The following KCND3 variants were observed in gnomAD, a reference collection of about 807,000 sequenced individuals.
The protein encoded by KCND3 is potassium voltage-gated channel subfamily D member 3.
KCND3 carries 9 observed loss-of-function variants against 51.1 expected under a neutral mutation model. That is an observed-to-expected ratio of 0.18 (90% CI 0.11 to 0.31). The LOEUF (loss-of-function observed/expected upper bound fraction) is 0.31, where lower values mean the gene tolerates loss of function less well. KCND3 is among the 10% of genes least tolerant of loss of function. The pLI is 1.00. For missense variants in KCND3, 526 were observed against 903.8 expected, an observed-to-expected ratio of 0.58 and a Z score of 5.36; for synonymous variants, 349 against 368.0, an observed-to-expected ratio of 0.95 and a Z score of 0.59.
intron 2 of KCND3, among the ~76,000 whole-genome samples, chr1:111,879,303 G>C (rs1669197573): frequency 6.6e-6 from 1 of 152,188 alleles, no homozygotes; most frequent in South Asian, 2.1e-4. Flanking sequence ...TAGGGACCTG[G>C]CTTGGAGGTT....
At chr1:111,984,882 A>G (rs1675180632) in intron 1 of KCND3, among the ~76,000 whole-genome samples, 1 of 151,842 alleles carries the variant, frequency 6.6e-6, no homozygotes, top group Admixed American at 6.6e-5. Flanking sequence ...TCCTCTCCTC[A>G]CTATGAGATT....
rs1663882208 is a variant in KCND3, at chr1:111,770,699, T to G, written c.*5378A>C. On this transcript the variant is annotated 3_prime_UTR_variant, in exon 8 of 8. Transcript: ENST00000302127. ...TGGCACATAATTTGTTTAATCCAGA[T>G]TGGATACATCAGGTACAGCAGTGGC... 1 of 152,230 alleles carries G rather than the reference T, an allele frequency of 6.6e-6. No individual in the cohort carries two copies. Among genetic ancestry groups the G allele is most frequent in the Non-Finnish European group, 1.5e-5 (1 of 68,046 alleles). 9.4% of individuals were successfully genotyped at this position (152,230 alleles called of 1,614,324 possible).
intron 2 of KCND3, among the ~76,000 whole-genome samples, chr1:111,960,910 C>T (rs1447696462): frequency 1.3e-5 from 2 of 152,048 alleles, no homozygotes; most frequent in South Asian, 4.1e-4. Flanking sequence ...GAGTGAGTGA[C>T]TGGGGAACCC....
At chr1:111,881,340 C>T (rs1271747804) in intron 2 of KCND3, among the ~76,000 whole-genome samples, 1 of 152,192 alleles carries the variant, frequency 6.6e-6, no homozygotes, top group Non-Finnish European at 1.5e-5. Context: ...AGAAAAAGTG[C>T]CTTTTGTGCT....
chr1:111,780,685 C>T lies in KCND3; in HGVS notation c.1371+5G>A. The T allele has an allele frequency of 6.2e-7, 1 of 1,605,926 alleles. No homozygotes were observed. ...TTCCCTAGCCCAGGTCCTCTAGGCA[C>T]CTACCGTCAGCTCCAGCGCCTCGTT... On this transcript the variant is annotated splice_donor_5th_base_variant and intron_variant, in intron 4 of 7. Transcript: ENST00000302127. This position sits in a 1 kb window ranked among gnomAD's most constrained non-coding sequence, Gnocchi z 4.2.
chr1:111,980,543 C>T (rs1205048356), intron 2 of KCND3, among the ~76,000 whole-genome samples: 1 of 151,840 alleles, frequency 6.6e-6, no homozygotes. Context: ...CTGTCAAAGA[C>T]AAAATAAAAA....
At chr1:111,827,542 C>T (rs149131735) in intron 2 of KCND3, among the ~76,000 whole-genome samples, 12 of 152,338 alleles carry the variant, frequency 7.9e-5, no homozygotes, top group African/African-American at 2.6e-4. Context: ...ATAATAATCA[C>T]AGTGGCAGCA....
intron 2 of KCND3, among the ~76,000 whole-genome samples, chr1:111,816,050 T>A (rs1221338656): frequency 6.6e-6 from 1 of 152,202 alleles, no homozygotes; most frequent in Non-Finnish European, 1.5e-5. Context: ...ATATGAATCA[T>A]CTCGTTTAAT....
At chr1:111,895,720 AG>A (rs1425407937) in intron 2 of KCND3, among the ~76,000 whole-genome samples, 2 of 152,058 alleles carry the variant, frequency 1.3e-5, no homozygotes, top group African/African-American at 2.4e-5. Flanking sequence ...TGGGGAGTGG[AG>A]GGGGCCAGGG....
intron 6 of KCND3, among the ~76,000 whole-genome samples, chr1:111,777,616 C>T (rs1452457277): frequency 6.6e-6 from 1 of 152,248 alleles, no homozygotes; most frequent in Non-Finnish European, 1.5e-5. Flanking sequence ...AAAGACTTTA[C>T]TTTCCAGGCT....
chr1:111,855,325 C>T (rs1260828121), intron 2 of KCND3, among the ~76,000 whole-genome samples: 1 of 152,202 alleles, frequency 6.6e-6, no homozygotes, highest in East Asian at 1.9e-4. Context: ...GTATGAGTTC[C>T]CAGTGTCCGT....
intron 2 of KCND3, among the ~76,000 whole-genome samples, chr1:111,931,979 A>G (rs1671995388): frequency 6.6e-6 from 1 of 152,224 alleles, no homozygotes; most frequent in African/African-American, 2.4e-5. Flanking sequence ...CAACGTATAC[A>G]GTTCTGGAGA....
intron 2 of KCND3, among the ~76,000 whole-genome samples, chr1:111,809,168 G>A (rs1211591163): frequency 1.3e-5 from 2 of 152,204 alleles, no homozygotes; most frequent in African/African-American, 2.4e-5. Context: ...TGAAGGTAGA[G>A]GTGGAAACCA....
At chr1:111,840,493 C>CT (rs11304608) in intron 2 of KCND3, among the ~76,000 whole-genome samples, 191 of 148,020 alleles carry the variant, frequency 1.3e-3, no homozygotes, top group South Asian at 8.3e-3. Flanking sequence ...ATAGGTGTGT[C>CT]TTTTTTTTTT....
At chr1:111,815,889 C>A (rs547433132) in intron 2 of KCND3, among the ~76,000 whole-genome samples, 3 of 152,166 alleles carry the variant, frequency 2.0e-5, no homozygotes, top group Middle Eastern at 3.4e-3. Context: ...ATGTTCCCCC[C>A]CCACACAAAA....
intron 2 of KCND3, among the ~76,000 whole-genome samples, chr1:111,894,722 T>C (rs2798334): frequency 0.77 from 117,908 of 152,172 alleles, 45,952 homozygotes; most frequent in East Asian, 1. Flanking sequence ...AGCAGCCATC[T>C]GGTCCCAAGT....
Position 111,850,192 on chromosome 1 carries a change from AG to A in KCND3, c.1107-63087del, listed in dbSNP as rs566581322. Among the ~76,000 whole-genome samples the A allele has an allele frequency of 2.4e-3, 358 of 152,286 alleles. 2 individuals carry two copies. The highest frequency in any genetic ancestry group is 8.2e-3 in the African/African-American group (342 of 41,548). ...CCAAAAATGTCATTTTTCCTGGTCT[AG>A]TCCTAACAGGCCCTGCATAGAATTT... On this transcript the variant is annotated intron_variant, in intron 2 of 7. Coordinates refer to ENST00000302127, the MANE Select transcript of KCND3 (RefSeq NM_001378969.1).
intron 2 of KCND3, among the ~76,000 whole-genome samples, chr1:111,891,601 G>A (rs1038681495): frequency 2.0e-5 from 3 of 152,154 alleles, no homozygotes; most frequent in African/African-American, 7.2e-5. Context: ...GTTCTCAGCT[G>A]TCCCCATCTC....
rs957851425 is a variant in KCND3, at chr1:111,823,303, G to GT, written c.1107-36198dup. Among the ~76,000 whole-genome samples, 30 of 151,656 alleles carry GT rather than the reference G, an allele frequency of 2.0e-4. No individual in the cohort carries two copies. The East Asian group carries it at 2.3e-3, about 12-fold the overall frequency. ...AGTCTTTTCTTATCTAAATTTCATA[G>GT]TTTTTTTTTCAACGGTTTCTCACAG... On this transcript the variant is annotated intron_variant, in intron 2 of 7. Coordinates refer to ENST00000302127, the MANE Select transcript of KCND3 (RefSeq NM_001378969.1).
Sources: gnomAD v4.1 joint callset for allele counts (sites outside exome capture counted in the v4.1 genomes callset) on GRCh38, gnomAD v4.1.1 for gene constraint, Gnocchi (gnomAD v3.1) non-coding constraint, MANE v1.5 for transcripts, NCBI Gene and HGNC (gene_info 2026-07-23, HGNC 2026-07-21) for gene names.